Variants in ZNF432 observed in about 807,000 individuals in gnomAD.
ZNF432 encodes the protein zinc finger protein 432.
A neutral mutation model predicts 13.9 loss-of-function variants in ZNF432; 10 were observed. The observed-to-expected ratio is 0.72, with a 90% confidence interval of 0.44 to 1.22. ZNF432 has a LOEUF of 1.22. Ranked by LOEUF, ZNF432 falls within the 50% of genes most tolerant of loss-of-function variation. ZNF432 has a pLI of 0.00. For missense variants in ZNF432, 793 were observed against 796.2 expected, an observed-to-expected ratio of 1.00 and a Z score of 0.05; for synonymous variants, 247 against 256.2, an observed-to-expected ratio of 0.96 and a Z score of 0.34.
intron 4 of ZNF432, 54 bp from the exon 5 acceptor site, chr19:52,035,494 G>A: frequency 7.4e-7 from 1 of 1,342,644 alleles, no homozygotes; most frequent in South Asian, 1.7e-5. Context: ...GGATAAAACT[G>A]TCTTCTTAGA....
At position 52,032,059 on chromosome 19, in the gene ZNF432, CTT is replaced by C. The variant is rs1338332487; in HGVS notation, c.*1659_*1660del. 1 of 152,124 alleles carries C rather than the reference CTT, an allele frequency of 6.6e-6. No homozygotes were observed. The highest frequency in any genetic ancestry group is 1.5e-5 in the Non-Finnish European group (1 of 68,004). 9.4% of individuals were successfully genotyped at this position (152,124 alleles called of 1,614,324 possible). On this transcript the variant is annotated 3_prime_UTR_variant, in exon 5 of 5. Transcript: ENST00000221315. ...TGCTAAGCAAAGAATACTCAGGAAA[CTT>C]TTGTATATTTTGTAATCTCTTGTGA...
chr19:52,041,124 T>G (rs987574855), intron 3 of ZNF432, among the ~76,000 whole-genome samples: 1 of 151,934 alleles, frequency 6.6e-6, no homozygotes, highest in African/African-American at 2.4e-5. Flanking sequence ...AATAAATAAA[T>G]TAATTAAAAC....
Position 52,034,502 on chromosome 19 carries a change from G to T in ZNF432, c.1177C>A (p.Arg393=). ...TAGGGTTTCTCTCCTGTATGAGTTC[G>T]TTGATGTTCGATCATACGGCTCTTC... ...TMKSRMIEHQ[R]THTGEKPYIC... The change falls in exon 5 of 5, where the codon CGA becomes AGA. Residue 393 remains arginine, a synonymous_variant. Coordinates refer to ENST00000221315, the MANE Select transcript of ZNF432 (RefSeq NM_014650.4). The T allele has an allele frequency of 1.9e-6, 3 of 1,613,786 alleles. No homozygotes were observed. The highest frequency in any genetic ancestry group is 2.5e-6 in the Non-Finnish European group (3 of 1,179,968).
chr19:52,044,437 GATC>G (rs1459549288), intron 2 of ZNF432, among the ~76,000 whole-genome samples: 1 of 151,850 alleles, frequency 6.6e-6, no homozygotes, highest in Non-Finnish European at 1.5e-5. Flanking sequence ...TTGAAAAACA[GATC>G]ATAAACAAAG....
chr19:52,034,540 T>C lies in ZNF432; in HGVS notation c.1139A>G (p.Lys380Arg). 6.2e-7 allele frequency: 1 copy of C among 1,613,942 alleles called. No individual in the cohort carries two copies. The highest frequency in any genetic ancestry group is 8.5e-7 in the Non-Finnish European group (1 of 1,180,008). Residue 380 changes from lysine (K) to arginine (R), a missense_variant, in exon 5 of 5, where the codon AAA becomes AGA. By Grantham distance (26) the Lys-to-Arg change is conservative (BLOSUM62 2). Transcript: ENST00000221315. ...EKPYICNECG[K>R]GFTMKSRMIE... ...CATACGGCTCTTCATGGTGAAGCCTTTCCCACATTCATTGCATATATATGG... is the reference window on the plus strand; with the variant it reads ...CATACGGCTCTTCATGGTGAAGCCTCTCCCACATTCATTGCATATATATGG...
intron 2 of ZNF432, among the ~76,000 whole-genome samples, 165 bp from the exon 3 acceptor site, chr19:52,041,771 A>C (rs1339476686): frequency 6.6e-6 from 1 of 152,246 alleles, no homozygotes; most frequent in Non-Finnish European, 1.5e-5. Context: ...GTATTCTATA[A>C]TTGCACAGTG....
At position 52,035,022 on chromosome 19, in the gene ZNF432, C is replaced by G. The variant is rs868849136; in HGVS notation, c.657G>C (p.Gln219His). Reference sequence around the variant, plus strand: ...TATGAACTCTCTCATGATCAGTGAGCTGAGACTTCTTGACAAACGCTTTCC... The same window carrying G: ...TATGAACTCTCTCATGATCAGTGAGGTGAGACTTCTTGACAAACGCTTTCC... ...ECGKAFVKKS[Q>H]LTDHERVHTG... Residue 219 changes from glutamine to histidine, a missense_variant, in exon 5 of 5, where the codon CAG (glutamine) becomes CAC (histidine). Gln to His is a conservative substitution (Grantham distance 24). Coordinates refer to ENST00000221315, the MANE Select transcript of ZNF432 (RefSeq NM_014650.4). 1.2e-6 allele frequency: 2 copies of G among 1,613,980 alleles called. No individual in the cohort carries two copies. The highest frequency in any genetic ancestry group is 1.3e-5 in the African/African-American group (1 of 75,006).
chr19:52,035,509 A>C (rs943003223), intron 4 of ZNF432, 69 bp from the exon 5 acceptor site: 15 of 1,270,976 alleles, frequency 1.2e-5, no homozygotes, highest in Non-Finnish European at 1.5e-5. Context: ...CTTAGAAAAA[A>C]AAATCCTTGG....
chr19:52,033,898 T>G lies in ZNF432; in HGVS notation c.1781A>C (p.Glu594Ala), dbSNP rs1171847126. The G allele has an allele frequency of 6.2e-7, 1 of 1,614,086 alleles. No individual in the cohort carries two copies. Among genetic ancestry groups the G allele is most frequent in the African/African-American group, 1.3e-5 (1 of 75,056 alleles). Reference sequence around the variant, plus strand: ...ACATTCATTACATCCATAAGGTTTTTCTCCAGTATGAACTTGCTTATGTAA... The same window carrying G: ...ACATTCATTACATCCATAAGGTTTTGCTCCAGTATGAACTTGCTTATGTAA... ...LALHKQVHTG[E>A]KPYGCNECGK... The change falls in exon 5 of 5, where the codon GAA becomes GCA. Residue 594 changes from glutamate to alanine, a missense_variant. Transcript: ENST00000221315.
intron 2 of ZNF432, among the ~76,000 whole-genome samples, chr19:52,042,834 A>C (rs1394262258): frequency 6.6e-6 from 1 of 152,214 alleles, no homozygotes; most frequent in Non-Finnish European, 1.5e-5. Flanking sequence ...ATGCACATAT[A>C]ACATTATGCA....
chr19:52,043,561 G>C (rs1048589076), intron 2 of ZNF432, among the ~76,000 whole-genome samples: 2 of 151,990 alleles, frequency 1.3e-5, no homozygotes, highest in Non-Finnish European at 2.9e-5. Flanking sequence ...TAAAGGGTCT[G>C]TGCTGAGGAG....
intron 4 of ZNF432, among the ~76,000 whole-genome samples, chr19:52,037,209 G>A (rs943319360): frequency 2.0e-5 from 3 of 152,216 alleles, no homozygotes; most frequent in African/African-American, 7.2e-5. Flanking sequence ...AACTGAGATA[G>A]ACTCTTGTGT....
intron 4 of ZNF432, among the ~76,000 whole-genome samples, chr19:52,035,985 A>G (rs544875185): frequency 6.6e-6 from 1 of 152,238 alleles, no homozygotes; most frequent in Non-Finnish European, 1.5e-5. Context: ...TTGACAATCT[A>G]TATCGATTTG....
Position 52,042,941 on chromosome 19 carries a change from G to A in ZNF432, c.16-1335C>T, listed in dbSNP as rs144293415. On this transcript the variant is annotated intron_variant, in intron 2 of 4. Coordinates refer to ENST00000221315, the MANE Select transcript of ZNF432 (RefSeq NM_014650.4). ...CACAGAAACAAAAGAAGCAAGAAAAGTGCAGAATAATGTCTTCAATGTCCT... is the reference window on the plus strand; with the variant it reads ...CACAGAAACAAAAGAAGCAAGAAAAATGCAGAATAATGTCTTCAATGTCCT... Among the ~76,000 whole-genome samples, 4 of 152,286 alleles carry A rather than the reference G, an allele frequency of 2.6e-5. No individual in the cohort carries two copies. In the East Asian group the frequency reaches 7.7e-4, roughly 29 times the overall value.
intron 4 of ZNF432, among the ~76,000 whole-genome samples, chr19:52,038,074 A>G (rs1290954184): frequency 6.6e-6 from 1 of 152,234 alleles, no homozygotes; most frequent in Non-Finnish European, 1.5e-5. Context: ...ACAAAAATAT[A>G]AAATTAACCA....
chr19:52,034,100 T>C lies in ZNF432; in HGVS notation c.1579A>G (p.Asn527Asp), dbSNP rs758688424. 2 of 1,613,890 alleles carry C rather than the reference T, an allele frequency of 1.2e-6. No homozygotes were observed. The highest frequency in any genetic ancestry group is 2.2e-5 in the East Asian group (1 of 44,852). Reference sequence around the variant, plus strand: ...TGAGTTCGCTGGTGTACAACAAGATTGCTCTTAAAGGCAAAACCTTTTCCA... The same window carrying C: ...TGAGTTCGCTGGTGTACAACAAGATCGCTCTTAAAGGCAAAACCTTTTCCA... ...ECGKGFAFKS[N>D]LVVHQRTHTG... Residue 527 changes from asparagine to aspartate, a missense_variant, in exon 5 of 5, where the codon AAT becomes GAT. Transcript: ENST00000221315.
In ZNF432 at chr19:52,034,800, T is replaced by A. The variant is rs1411291393; in HGVS notation, c.879A>T (p.Glu293Asp). 1 of 1,612,558 alleles carries A rather than the reference T, an allele frequency of 6.2e-7. No homozygotes were observed. Among genetic ancestry groups the A allele is most frequent in the Admixed American group, 1.7e-5 (1 of 59,728 alleles). Residue 293 changes from glutamate to aspartate, a missense_variant, in exon 5 of 5, where the codon GAA becomes GAT. Transcript: ENST00000221315. ...HTGEKPYICN[E>D]CGKGFPGKRN... ...GCTTGCCTGGGAAGCCTTTTCCACA[T>A]TCATTGCATATGTAGGGTTTCTCTC...
rs2087219550 is a variant in ZNF432, at chr19:52,048,712, C to T, written c.-210G>A. 6.5e-6 allele frequency: 1 copy of T among 152,854 alleles called. No homozygotes were observed. Among genetic ancestry groups the T allele is most frequent in the Admixed American group, 6.5e-5 (1 of 15,274 alleles). 9.5% of individuals were successfully genotyped at this position (152,854 alleles called of 1,614,324 possible). On this transcript the variant is annotated 5_prime_UTR_variant, in exon 1 of 5. Transcript: ENST00000221315. ...ACACTGACCTGACTCTCCTTGGAAT[C>T]GCCGCGACCTCTTAAAAGCTGAACT...
Position 52,035,037 on chromosome 19 carries a change from A to C in ZNF432, c.642T>G (p.Phe214Leu). The part of the protein sequence containing the change: ...NHVCSECGKA[F>L]VKKSQLTDHE... ...GATCAGTGAGCTGAGACTTCTTGAC[A>C]AACGCTTTCCCACATTCACTGCATA... The change falls in exon 5 of 5, where the codon TTT (phenylalanine) becomes TTG (leucine). Residue 214 changes from phenylalanine (F) to leucine (L), a missense_variant. Coordinates refer to ENST00000221315, the MANE Select transcript of ZNF432 (RefSeq NM_014650.4). 1.2e-6 allele frequency: 2 copies of C among 1,613,678 alleles called. No individual in the cohort carries two copies. Among genetic ancestry groups the C allele is most frequent in the Non-Finnish European group, 1.7e-6 (2 of 1,179,894 alleles).
Sources: gnomAD v4.1 joint callset for allele counts (sites outside exome capture counted in the v4.1 genomes callset) on GRCh38, gnomAD v4.1.1 for gene constraint, MANE v1.5 for transcripts, NCBI Gene and HGNC (gene_info 2026-07-23, HGNC 2026-07-21) for gene names.